PHF24: variants seen among roughly 807,000 people sequenced by gnomAD.
PHF24 encodes the protein Galpha inhibitory interacting protein.
PHF24 carries 25 observed loss-of-function variants against 42.6 expected under a neutral mutation model. That is an observed-to-expected ratio of 0.59 (90% CI 0.43 to 0.82). The LOEUF (loss-of-function observed/expected upper bound fraction) is 0.82. Ranked by LOEUF, PHF24 falls within the 40% of genes least tolerant of loss-of-function variation. The probability of loss-of-function intolerance (pLI) is 0.00; values close to 1 mark genes in which losing one functional copy is unlikely to be tolerated. For synonymous variants in PHF24, 185 were observed against 204.8 expected (o/e 0.90, Z 0.83); for missense variants, 470 against 538.1 (o/e 0.87, Z 1.25).
chr9:34,923,465 C>T, the PHF24 span, among the ~76,000 whole-genome samples: 1 of 152,076 alleles, frequency 6.6e-6, no homozygotes, highest in Non-Finnish European at 1.5e-5. Context: ...CAGGGCTTTT[C>T]TTTGCTGGGA....
chr9:34,886,967 A>G, the PHF24 span, among the ~76,000 whole-genome samples: 1 of 152,048 alleles, frequency 6.6e-6, no homozygotes, highest in African/African-American at 2.4e-5. Flanking sequence ...TATACATCTC[A>G]AACAATACAA....
chr9:34,913,725 A>G, the PHF24 span, among the ~76,000 whole-genome samples: 3 of 152,274 alleles, frequency 2.0e-5, no homozygotes, highest in South Asian at 2.1e-4. Context: ...CTGCCTCTAT[A>G]GATGGTATAG....
the PHF24 span, among the ~76,000 whole-genome samples, chr9:34,755,009 T>C: frequency 3.3e-5 from 5 of 151,934 alleles, no homozygotes; most frequent in African/African-American, 1.2e-4. Context: ...ATGAAAACAA[T>C]TGAACTCATG....
the PHF24 span, among the ~76,000 whole-genome samples, chr9:34,883,630 G>A: frequency 6.6e-6 from 1 of 152,160 alleles, no homozygotes; most frequent in African/African-American, 2.4e-5. Flanking sequence ...ATCATCACTG[G>A]CCATCAGAGA....
At chr9:34,704,952 T>A in the PHF24 span, among the ~76,000 whole-genome samples, 13 of 152,222 alleles carry the variant, frequency 8.5e-5, no homozygotes, top group Non-Finnish European at 2.9e-5. Flanking sequence ...AATAAATTGC[T>A]TCTGTGGTTC....
At chr9:34,890,676 A>T in the PHF24 span, among the ~76,000 whole-genome samples, 1 of 152,188 alleles carries the variant, frequency 6.6e-6, no homozygotes, top group East Asian at 1.9e-4. Flanking sequence ...CTCCTAAAGG[A>T]TCCCTGTGTG....
At chr9:34,974,856 T>TAA (rs776164241) in intron 3 of PHF24, among the ~76,000 whole-genome samples, 22 of 152,298 alleles carry the variant, frequency 1.4e-4, no homozygotes, top group Non-Finnish European at 2.1e-4. Flanking sequence ...TCTCTGTGAA[T>TAA]AGTAATACCA....
At chr9:34,730,079 A>T in the PHF24 span, among the ~76,000 whole-genome samples, 1 of 152,266 alleles carries the variant, frequency 6.6e-6, no homozygotes, top group African/African-American at 2.4e-5. Context: ...GCTACCTTCC[A>T]TGGAGGCACA....
the PHF24 span, among the ~76,000 whole-genome samples, chr9:34,677,376 G>A: frequency 7.4e-6 from 1 of 134,692 alleles, no homozygotes; most frequent in Non-Finnish European, 1.6e-5. Flanking sequence ...TGCTGATAGG[G>A]TCTTTGTAAA....
chr9:34,909,420 C>G, the PHF24 span, among the ~76,000 whole-genome samples: 9 of 152,002 alleles, frequency 5.9e-5, no homozygotes, highest in African/African-American at 2.2e-4. Context: ...TTCACGTGTT[C>G]TGCCTCATCC....
the PHF24 span, among the ~76,000 whole-genome samples, chr9:34,879,757 C>T: frequency 6.6e-6 from 1 of 152,108 alleles, no homozygotes; most frequent in Non-Finnish European, 1.5e-5. Context: ...GAGAATGGAA[C>T]CAAGTTGGAA....
the PHF24 span, among the ~76,000 whole-genome samples, chr9:34,903,713 T>G: frequency 6.6e-6 from 1 of 152,236 alleles, no homozygotes; most frequent in Non-Finnish European, 1.5e-5. Flanking sequence ...GGCATTAGGT[T>G]GTCACAGCCC....
At chr9:34,686,733 A>G in the PHF24 span, among the ~76,000 whole-genome samples, 2 of 152,214 alleles carry the variant, frequency 1.3e-5, no homozygotes, top group African/African-American at 4.8e-5. Context: ...CATGTGCGCT[A>G]GAGAAGAAGG....
At chr9:34,786,535 A>G in the PHF24 span, among the ~76,000 whole-genome samples, 1 of 152,198 alleles carries the variant, frequency 6.6e-6, no homozygotes, top group African/African-American at 2.4e-5. Context: ...TTTGCATTTC[A>G]TACTAAATTG....
chr9:34,694,409 C>A, the PHF24 span, among the ~76,000 whole-genome samples: 7 of 151,996 alleles, frequency 4.6e-5, no homozygotes, highest in African/African-American at 1.7e-4. Context: ...CAGCTCACTG[C>A]AACCTCCGCC....
the PHF24 span, among the ~76,000 whole-genome samples, chr9:34,707,342 G>T: frequency 6.6e-6 from 1 of 152,178 alleles, no homozygotes; most frequent in African/African-American, 2.4e-5. Context: ...CAGGTAGGAG[G>T]CCTCCCTTGG....
At chr9:34,971,464 C>G (rs748658993) in exon 2 of PHF24, 7 of 1,614,098 alleles carry the variant, frequency 4.3e-6, no homozygotes, top group Non-Finnish European at 5.9e-6. Flanking sequence ...CCAGGAGGTA[C>G]AGGAGGAGAA....
At chr9:34,788,019 A>G in the PHF24 span, among the ~76,000 whole-genome samples, 1 of 152,072 alleles carries the variant, frequency 6.6e-6, no homozygotes, top group Non-Finnish European at 1.5e-5. Context: ...AAATCCCATC[A>G]CTCAGAAGCA....
rs1461121268 is a variant in PHF24 at position 34,958,631 on chromosome 9, G to T, written c.-5+230G>T. Among the ~76,000 whole-genome samples the T allele has an allele frequency of 1.3e-5, 2 of 152,162 alleles. No homozygotes were observed. The highest frequency in any genetic ancestry group is 2.9e-5 in the Non-Finnish European group (2 of 68,010). ...AGACCCCCTGTGGGAATGGACTCCC[G>T]CGGCGCTGTCTGCATTTGCTGCCAT... is the stretch of plus-strand genomic sequence containing the variant. On this transcript the variant is annotated intron_variant, in intron 1 of 7. Coordinates refer to ENST00000242315, the Ensembl canonical transcript of PHF24. This position sits in a 1 kb window ranked among gnomAD's most constrained non-coding sequence, Gnocchi z 4.5.
Sources: allele counts gnomAD v4.1 joint callset (sites outside exome capture counted in the v4.1 genomes callset), GRCh38; gene constraint gnomAD v4.1.1; non-coding constraint Gnocchi (gnomAD v3.1); transcripts MANE v1.5; gene names NCBI Gene and HGNC (gene_info 2026-07-23, HGNC 2026-07-21).